The following SSH1 variants were observed in gnomAD, a reference collection of about 807,000 sequenced individuals.
The protein encoded by SSH1 is slingshot protein phosphatase 1.
In SSH1, 43 loss-of-function variants were observed where a neutral mutation model predicts 79.7. The ratio of observed to expected loss-of-function variants is 0.54; its 90% CI spans 0.42 to 0.70. The LOEUF (loss-of-function observed/expected upper bound fraction) is 0.70, where lower values mean the gene tolerates loss of function less well. SSH1 is among the 30% of genes least tolerant of loss of function. The pLI, the probability that SSH1 is intolerant of heterozygous loss-of-function variation, is 0.00. For synonymous variants in SSH1, 599 were observed against 538.3 expected, an observed-to-expected ratio of 1.11 and a Z score of -1.56; for missense variants, 1,206 against 1,358.8, an observed-to-expected ratio of 0.89 and a Z score of 1.77.
chr12:108,811,693 G>T (rs935613918), intron 5 of SSH1: 21 of 363,284 alleles, frequency 5.8e-5, no homozygotes, highest in African/African-American at 4.2e-4. Flanking sequence ...GGTGGCGGCA[G>T]GGGGAGCGTG....
chr12:108,855,208 G>A (rs1348097957), intron 1 of SSH1, among the ~76,000 whole-genome samples: 4 of 152,184 alleles, frequency 2.6e-5, no homozygotes, highest in Admixed American at 2.6e-4. Context: ...CTTTGAAAAC[G>A]TGATGCTGAG....
rs1226169415 is a variant in SSH1 at position 108,784,005 on chromosome 12, G to A, written c.*3983C>T. 1 of 152,200 alleles carries A rather than the reference G, an allele frequency of 6.6e-6. No individual in the cohort carries two copies. The highest frequency in any genetic ancestry group is 1.5e-5 in the Non-Finnish European group (1 of 68,058). 9.4% of individuals were successfully genotyped at this position (152,200 alleles called of 1,614,324 possible). A position where few individuals can be genotyped will look rare whatever the true frequency, so the allele number is the denominator to read the frequency against. The stretch of plus-strand genomic sequence containing the variant: ...TGCGTGTTTAGAGGAGCCCTGCTAG[G>A]TGGCCAGCCAATGAGAAGAGTTTTG... On this transcript the variant is annotated 3_prime_UTR_variant, in exon 15 of 15. Transcript: ENST00000326495.
chr12:108,839,907 C>G (rs2038734684), intron 2 of SSH1, among the ~76,000 whole-genome samples: 1 of 152,144 alleles, frequency 6.6e-6, no homozygotes, highest in Non-Finnish European at 1.5e-5. Flanking sequence ...GGGCCAGACA[C>G]TGTACACAGA....
intron 7 of SSH1, among the ~76,000 whole-genome samples, chr12:108,809,043 A>G (rs1279657818): frequency 6.6e-6 from 1 of 151,870 alleles, no homozygotes; most frequent in African/African-American, 2.4e-5. Context: ...CATGTTGGCC[A>G]GGCTGGTCTC....
At chr12:108,829,295 C>T (rs542279119) in intron 2 of SSH1, among the ~76,000 whole-genome samples, 1 of 152,278 alleles carries the variant, frequency 6.6e-6, no homozygotes, top group East Asian at 1.9e-4. Flanking sequence ...CCACTGTACT[C>T]CAGCCTGGGC....
At position 108,789,352 on chromosome 12, in the gene SSH1, G is replaced by A. The variant is rs550646041; in HGVS notation, c.1894-108C>T. 169 of 1,156,792 alleles carry A rather than the reference G, an allele frequency of 1.5e-4. 2 individuals carry two copies. The South Asian group carries it at 2.1e-3, about 15-fold the overall frequency. 71.7% of individuals were successfully genotyped at this position (1,156,792 alleles called of 1,614,324 possible). ...GGTGCGAGGCCGGACTGGGGGCCAG[G>A]CCTGGAGGGGAGGCTCTCATTTCAC... On this transcript the variant is annotated intron_variant, in intron 14 of 14. Coordinates refer to ENST00000326495, the MANE Select transcript of SSH1 (RefSeq NM_018984.4).
intron 2 of SSH1, among the ~76,000 whole-genome samples, chr12:108,837,819 C>A (rs866898856): frequency 2.0e-5 from 3 of 151,652 alleles, no homozygotes; most frequent in Middle Eastern, 3.4e-3. Context: ...TACTCTGTCG[C>A]CCAGGCTGGA....
rs1478754983 is a variant in SSH1 at position 108,807,052 on chromosome 12, C to A, written c.731+581G>T. ...GAACACCACACTGTGGGAGCAGGGT[C>A]CTGACCCCGAGGGGAGGGGCGACCA... On this transcript the variant is annotated intron_variant, in intron 8 of 14. Coordinates refer to ENST00000326495, the MANE Select transcript of SSH1 (RefSeq NM_018984.4). This position sits in a 1 kb window ranked among gnomAD's most constrained non-coding sequence, Gnocchi z 5.2. 6.6e-6 allele frequency among the ~76,000 whole-genome samples: 1 copy of A among 152,200 alleles called. No individual in the cohort carries two copies. The highest frequency in any genetic ancestry group is 2.1e-4 in the South Asian group (1 of 4,834).
rs772467191 is a variant in SSH1 at position 108,799,036 on chromosome 12, C to T, written c.1313G>A (p.Arg438Lys). The change falls in exon 13 of 15, where the codon AGG becomes AAG. Residue 438 changes from arginine to lysine, a missense_variant. Around this residue, in one of 5 missense-constraint regions of SSH1, gnomAD observed 166 missense variants for 262.9 expected, o/e 0.63. Transcript: ENST00000326495. Reference sequence around the variant, plus strand: ...GATGCCTTCATACTCAGACAGCTGCCTCATAAAGCCCGCGTTGGGGCGCGT... The same window carrying T: ...GATGCCTTCATACTCAGACAGCTGCTTCATAAAGCCCGCGTTGGGGCGCGT... ...SITRPNAGFM[R>K]QLSEYEGILD... The T allele has an allele frequency of 5.0e-6, 8 of 1,613,878 alleles. No individual in the cohort carries two copies. The South Asian group carries it at 8.8e-5, about 18-fold the overall frequency.
chr12:108,805,234 G>A (rs773671683), intron 9 of SSH1, 50 bp from the exon 10 acceptor site: 101 of 1,591,694 alleles, frequency 6.3e-5, no homozygotes, highest in Middle Eastern at 3.7e-4. Flanking sequence ...GAAAACAATC[G>A]TCCACCTCAA....
In SSH1 at chr12:108,785,055, A is replaced by C. The variant is rs2036233349; in HGVS notation, c.*2933T>G. ...TGCAAACTTCCTTTTCACAGACAGC[A>C]TGAATTCGTCTTTGCCCAGGTGTCC... On this transcript the variant is annotated 3_prime_UTR_variant, in exon 15 of 15. Coordinates refer to ENST00000326495, the MANE Select transcript of SSH1 (RefSeq NM_018984.4). The C allele has an allele frequency of 6.6e-6, 1 of 152,248 alleles. No homozygotes were observed. The highest frequency in any genetic ancestry group is 1.5e-5 in the Non-Finnish European group (1 of 68,054). The allele number at this position is 152,248 out of a possible 1,614,324, so 9.4% of individuals were successfully genotyped here.
chr12:108,792,370 C>A lies in SSH1; in HGVS notation c.1809G>T (p.Gln603His). ...EEGLGAGRWG[Q>H]LPTQLDQNLL... ...GGTTTTGATCGAGCTGGGTTGGAAG[C>A]TGCCCCCACCTCCCTGCTCCCAGGC... The change falls in exon 14 of 15, where the codon CAG (glutamine) becomes CAT (histidine). Residue 603 changes from glutamine to histidine, a missense_variant. This residue lies in a region of SSH1 where 709 missense variants were observed against 730.6 expected (regional missense o/e 0.97). Transcript: ENST00000326495. 6.2e-7 allele frequency: 1 copy of A among 1,614,190 alleles called. No individual in the cohort carries two copies. Among genetic ancestry groups the A allele is most frequent in the Non-Finnish European group, 8.5e-7 (1 of 1,180,030 alleles).
intron 2 of SSH1, among the ~76,000 whole-genome samples, chr12:108,825,049 A>G (rs1184141699): frequency 1.3e-5 from 2 of 152,212 alleles, no homozygotes; most frequent in Non-Finnish European, 2.9e-5. Flanking sequence ...AAATAATATA[A>G]AACACTACTA....
intron 14 of SSH1, among the ~76,000 whole-genome samples, chr12:108,791,246 A>G (rs2036487162): frequency 1.3e-5 from 2 of 152,076 alleles, no homozygotes; most frequent in African/African-American, 4.8e-5. Flanking sequence ...AGTAGCTGGG[A>G]TTACAGGCAT....
At position 108,780,479 on chromosome 12, in the gene SSH1, T is replaced by C. The variant is rs1052281117; in HGVS notation, c.*7509A>G. 2 of 152,196 alleles carry C rather than the reference T, an allele frequency of 1.3e-5. No homozygotes were observed. Among genetic ancestry groups the C allele is most frequent in the Admixed American group, 6.5e-5 (1 of 15,278 alleles). 9.4% of individuals were successfully genotyped at this position (152,196 alleles called of 1,614,324 possible). ...TTGTCTCCAAAAAGCATGTGTGCAA[T>C]GTAATTAGCAAAGCGTGAGCCTACT... On this transcript the variant is annotated 3_prime_UTR_variant, in exon 15 of 15. Coordinates refer to ENST00000326495, the MANE Select transcript of SSH1 (RefSeq NM_018984.4).
intron 2 of SSH1, among the ~76,000 whole-genome samples, chr12:108,843,353 C>T (rs1173254082): frequency 1.3e-5 from 2 of 152,160 alleles, no homozygotes; most frequent in Non-Finnish European, 2.9e-5. Context: ...CTTACAAGAC[C>T]TCTAGGGCCT....
At chr12:108,818,373 C>T in intron 3 of SSH1, 60 bp from the exon 4 acceptor site, 1 of 1,496,054 alleles carries the variant, frequency 6.7e-7, no homozygotes, top group Non-Finnish European at 9.3e-7. Flanking sequence ...GGAAAAAAAA[C>T]CTCTGAAAGG....
At position 108,857,572 on chromosome 12, in the gene SSH1, C is replaced by A. The variant is rs1358099496; in HGVS notation, c.-76G>T. 22 of 900,834 alleles carry A rather than the reference C, an allele frequency of 2.4e-5. No individual in the cohort carries two copies. The highest frequency in any genetic ancestry group is 2.8e-5 in the Non-Finnish European group (21 of 754,664). 55.8% of individuals were successfully genotyped at this position (900,834 alleles called of 1,614,324 possible). A position where few individuals can be genotyped will look rare whatever the true frequency, so the allele number is the denominator to read the frequency against. ...ACCGCCACCGCCGCCCGGGCCGGGCCCGGGGCCTCCTGGAGCCGCGCGCGG... is the reference window on the plus strand; with the variant it reads ...ACCGCCACCGCCGCCCGGGCCGGGCACGGGGCCTCCTGGAGCCGCGCGCGG... On this transcript the variant is annotated 5_prime_UTR_variant, in exon 1 of 15. Transcript: ENST00000326495. This position sits in a 1 kb window ranked among gnomAD's most constrained non-coding sequence, Gnocchi z 4.7.
At chr12:108,812,656 C>T (rs1387775887) in intron 5 of SSH1, among the ~76,000 whole-genome samples, 1 of 152,198 alleles carries the variant, frequency 6.6e-6, no homozygotes, top group Non-Finnish European at 1.5e-5. Context: ...CAGAGATGCG[C>T]AAGAGGCTCA....
Sources: allele counts gnomAD v4.1 joint callset (sites outside exome capture counted in the v4.1 genomes callset), GRCh38; gene constraint gnomAD v4.1.1; regional missense constraint gnomAD v4.1.1; non-coding constraint Gnocchi (gnomAD v3.1); transcripts MANE v1.5; gene names NCBI Gene and HGNC (gene_info 2026-07-23, HGNC 2026-07-21).